Variants in FAM227A observed in about 807,000 individuals in gnomAD.
The protein encoded by FAM227A is family with sequence similarity 227 member A, also known as protein FAM227A.
Under a neutral mutation model 74.7 loss-of-function variants are expected in FAM227A, and 80 were observed. The ratio of observed to expected loss-of-function variants is 1.07; its 90% CI spans 0.89 to 1.29. The LOEUF (loss-of-function observed/expected upper bound fraction) is 1.29, where lower values mean the gene tolerates loss of function less well. Among genes scored for constraint, FAM227A ranks in the 50% most tolerant of loss-of-function variants. The probability of loss-of-function intolerance (pLI) is 0.00; values close to 1 mark genes in which losing one functional copy is unlikely to be tolerated. For missense variants in FAM227A, 654 were observed against 683.4 expected (o/e 0.96, Z 0.48); for synonymous variants, 237 against 241.8 (o/e 0.98, Z 0.19).
intron 3 of FAM227A, among the ~76,000 whole-genome samples, chr22:38,644,848 G>A (rs2092199401): frequency 6.6e-6 from 1 of 152,120 alleles, no homozygotes; most frequent in Non-Finnish European, 1.5e-5. Flanking sequence ...AGCACTTTGA[G>A]AGACTGAGGT....
At chr22:38,640,325 G>A (rs1469472029) in intron 3 of FAM227A, among the ~76,000 whole-genome samples, 1 of 152,074 alleles carries the variant, frequency 6.6e-6, no homozygotes, top group African/African-American at 2.4e-5. Flanking sequence ...GAGCCACCAC[G>A]TCCAGCCTCT....
chr22:38,613,082 TTA>T (rs376965177), intron 11 of FAM227A, among the ~76,000 whole-genome samples: 5,248 of 93,156 alleles, frequency 0.056, 183 homozygotes, highest in African/African-American at 0.068. Context: ...TTATATATAA[TTA>T]TATATATATA....
chr22:38,626,025 C>A (rs2091792085), intron 9 of FAM227A, among the ~76,000 whole-genome samples, 155 bp downstream of exon 9: 1 of 151,378 alleles, frequency 6.6e-6, no homozygotes, highest in Non-Finnish European at 1.5e-5. Flanking sequence ...TTCCTTGGGG[C>A]TCCAACCACA....
At chr22:38,649,421 C>T (rs899911028) in intron 2 of FAM227A, among the ~76,000 whole-genome samples, 8 of 150,852 alleles carry the variant, frequency 5.3e-5, no homozygotes, top group Admixed American at 3.3e-4. Context: ...AAAAAATTAG[C>T]TGGACATGGT....
chr22:38,614,811 T>C (rs961263440), intron 11 of FAM227A, among the ~76,000 whole-genome samples: 8 of 152,022 alleles, frequency 5.3e-5, no homozygotes, highest in Non-Finnish European at 7.3e-5. Flanking sequence ...TTTCAAGCCA[T>C]TGTGACAGGC....
intron 4 of FAM227A, 91 bp downstream of exon 4, chr22:38,639,564 T>C: frequency 2.5e-6 from 3 of 1,209,810 alleles, no homozygotes; most frequent in Non-Finnish European, 3.6e-6. Flanking sequence ...CATCCTCATC[T>C]GAAACTTGGG....
intron 6 of FAM227A, among the ~76,000 whole-genome samples, chr22:38,630,396 T>A (rs1020256245): frequency 7.2e-5 from 11 of 152,218 alleles, no homozygotes; most frequent in Non-Finnish European, 1.6e-4. Flanking sequence ...AGCACAGACT[T>A]GGGTGCCAGA....
intron 14 of FAM227A, among the ~76,000 whole-genome samples, chr22:38,598,860 T>C (rs528911060): frequency 3.9e-5 from 6 of 152,140 alleles, no homozygotes; most frequent in Non-Finnish European, 8.8e-5. Context: ...TTTGAACCAA[T>C]AGACCAGTTT....
chr22:38,626,122 C>T (rs1393346333), intron 9 of FAM227A, 58 bp downstream of exon 9: 4 of 1,533,168 alleles, frequency 2.6e-6, no homozygotes, highest in Non-Finnish European at 3.5e-6. Context: ...TACCTAGGTG[C>T]CAGCGGAAAA....
rs1005691106 is a variant in FAM227A at position 38,628,701 on chromosome 22, A to G, written c.621+133T>C. 7.4e-6 allele frequency: 5 copies of G among 680,002 alleles called. No homozygotes were observed. The African/African-American group carries it at 9.2e-5, about 12-fold the overall frequency. 42.1% of individuals were successfully genotyped at this position (680,002 alleles called of 1,614,324 possible). ...TGGCTGAGGCATGGGACGGGAGGGG[A>G]CTGGGTGACAGGGGAGGCTGTGGGG... On this transcript the variant is annotated intron_variant, in intron 7 of 16. Coordinates refer to ENST00000535113, the MANE Select transcript of FAM227A (RefSeq NM_001013647.2).
chr22:38,605,242 TCATGTGCTCACCTTTTTAGGAAA>T lies in FAM227A; in HGVS notation c.1210_1221+11del, dbSNP rs2146245551. On this transcript the variant is annotated splice_donor_variant and splice_donor_5th_base_variant and coding_sequence_variant and intron_variant, in exon 13 of 17. Transcript: ENST00000535113. LOFTEE classifies it high-confidence loss of function. ...ATCACCTTTACTATTAAATTTCCAA[TCATGTGCTCACCTTTTTAGGAAA>T]CATATTCTCACATTCTCTTGCTTCT... 2 of 1,478,058 alleles carry T rather than the reference TCATGTGCTCACCTTTTTAGGAAA, an allele frequency of 1.4e-6. No homozygotes were observed. The highest frequency in any genetic ancestry group is 2.4e-5 in the South Asian group (2 of 82,556). The allele number at this position is 1,478,058 out of a possible 1,614,324, so 91.6% of individuals were successfully genotyped here. A position where few individuals can be genotyped will look rare whatever the true frequency, so the allele number is the denominator to read the frequency against.
chr22:38,600,679 C>T (rs1430983697), intron 13 of FAM227A, among the ~76,000 whole-genome samples: 3 of 151,970 alleles, frequency 2.0e-5, no homozygotes, highest in Non-Finnish European at 4.4e-5. Context: ...TAGTAAAAGC[C>T]AGGTGCGGTA....
intron 6 of FAM227A, among the ~76,000 whole-genome samples, chr22:38,631,009 A>G (rs1442994429): frequency 6.6e-6 from 1 of 152,130 alleles, no homozygotes. Context: ...CTCTACTAAA[A>G]ATACAAAAAT....
chr22:38,644,668 A>G (rs2092194449), intron 3 of FAM227A, among the ~76,000 whole-genome samples: 1 of 152,242 alleles, frequency 6.6e-6, no homozygotes, highest in Non-Finnish European at 1.5e-5. Context: ...CGTTAATTCT[A>G]ACTAATGTGC....
chr22:38,630,730 C>T (rs532801917), intron 6 of FAM227A, among the ~76,000 whole-genome samples: 1 of 152,338 alleles, frequency 6.6e-6, no homozygotes, highest in African/African-American at 2.4e-5. Context: ...ATGCCATAGA[C>T]TCCCTGCCCT....
chr22:38,629,525 T>G (rs192194006), intron 6 of FAM227A, among the ~76,000 whole-genome samples: 5 of 152,368 alleles, frequency 3.3e-5, no homozygotes, highest in Non-Finnish European at 2.9e-5. Context: ...TTCCACAATC[T>G]ATGTGGTAGG....
At chr22:38,649,883 AGAAAAG>A in intron 2 of FAM227A, 138 bp downstream of exon 2, 4 of 395,138 alleles carry the variant, frequency 1.0e-5, no homozygotes, top group East Asian at 1.3e-4. Flanking sequence ...AAAAAAAGAA[AGAAAAG>A]AAAAGAAAAA....
intron 9 of FAM227A, among the ~76,000 whole-genome samples, chr22:38,625,159 T>C (rs1159513893): frequency 6.6e-6 from 1 of 151,174 alleles, no homozygotes; most frequent in East Asian, 2.0e-4. Context: ...GGAGGCCTTG[T>C]TGGGCGGATG....
chr22:38,586,081 C>CA lies in FAM227A; in HGVS notation c.*43dup. On this transcript the variant is annotated 3_prime_UTR_variant, in exon 17 of 17. Coordinates refer to ENST00000535113, the MANE Select transcript of FAM227A (RefSeq NM_001013647.2). ...CCACTCCACCTCGTAGCAGAAATAT[C>CA]ACGGATTCTGTAGGCGCTTCCTGGT... is the stretch of plus-strand genomic sequence containing the variant. 1.3e-6 allele frequency: 2 copies of CA among 1,551,916 alleles called. No homozygotes were observed. The highest frequency in any genetic ancestry group is 2.7e-5 in the African/African-American group (2 of 73,136).
Sources: gnomAD v4.1 joint callset for allele counts (sites outside exome capture counted in the v4.1 genomes callset) on GRCh38, gnomAD v4.1.1 for gene constraint, MANE v1.5 for transcripts, NCBI Gene and HGNC (gene_info 2026-07-23, HGNC 2026-07-21) for gene names.